The following PPP2R1B variants were observed in gnomAD, a reference collection of about 807,000 sequenced individuals.
PPP2R1B encodes the protein protein phosphatase 2 scaffold subunit Abeta, also known as serine/threonine-protein phosphatase 2A 65 kDa regulatory subunit A beta isoform.
In PPP2R1B, 58 loss-of-function variants were observed where a neutral mutation model predicts 72.7. That is an observed-to-expected ratio of 0.80 (90% CI 0.65 to 0.99). The LOEUF (loss-of-function observed/expected upper bound fraction) is 0.99, where lower values mean the gene tolerates loss of function less well. PPP2R1B is among the 50% of genes least tolerant of loss of function. PPP2R1B has a pLI of 0.00. For synonymous variants in PPP2R1B, 256 were observed against 264.6 expected, an observed-to-expected ratio of 0.97 and a Z score of 0.32; for missense variants, 695 against 733.6, an observed-to-expected ratio of 0.95 and a Z score of 0.61.
chr11:111,754,522 T>A lies in PPP2R1B; in HGVS notation c.1006A>T (p.Asn336Tyr). The change falls in exon 8 of 15, where the codon AAT becomes TAT. Residue 336 changes from asparagine (N) to tyrosine (Y), a missense_variant. Asn to Tyr is a moderately radical substitution (Grantham distance 143). Transcript: ENST00000527614. ...ACCTTTATATAAGGCAGAATTTGAT[T>A]CATAATTATGGTCTCTCTATCTTCA... is the stretch of plus-strand genomic sequence containing the variant. ...PIEDRETIIM[N>Y]QILPYIKELV... 6.2e-7 allele frequency: 1 copy of A among 1,603,030 alleles called. No homozygotes were observed. The highest frequency in any genetic ancestry group is 8.5e-7 in the Non-Finnish European group (1 of 1,177,508).
the PPP2R1B span, among the ~76,000 whole-genome samples, chr11:111,699,986 T>C: frequency 6.6e-6 from 1 of 152,196 alleles, no homozygotes; most frequent in Non-Finnish European, 1.5e-5. Flanking sequence ...GGCTCTTCAG[T>C]CAGGAGTATG....
the PPP2R1B span, among the ~76,000 whole-genome samples, chr11:111,699,252 A>G: frequency 1.3e-5 from 2 of 152,158 alleles, no homozygotes; most frequent in Non-Finnish European, 2.9e-5. Context: ...TTTAGACTGT[A>G]TCTGAAGCTC....
At chr11:111,741,987 A>G (rs1473434358) in intron 14 of PPP2R1B, 66 bp downstream of exon 14, 3 of 1,324,468 alleles carry the variant, frequency 2.3e-6, no homozygotes, top group Non-Finnish European at 2.2e-6. Context: ...AACACCTCTC[A>G]CATAATAGAG....
At chr11:111,714,732 G>A in the PPP2R1B span, among the ~76,000 whole-genome samples, 1 of 152,168 alleles carries the variant, frequency 6.6e-6, no homozygotes, top group African/African-American at 2.4e-5. Context: ...GCCAAGCGTA[G>A]CCCACAACAG....
chr11:111,721,811 C>T, the PPP2R1B span: 1 of 1,580,512 alleles, frequency 6.3e-7, no homozygotes, highest in Non-Finnish European at 8.6e-7. Flanking sequence ...AAAATTGTTT[C>T]CACCCCCTTG....
Position 111,766,245 on chromosome 11 carries a change from T to C in PPP2R1B, c.114+3A>G. 6.2e-7 allele frequency: 1 copy of C among 1,613,584 alleles called. No homozygotes were observed. The highest frequency in any genetic ancestry group is 8.5e-7 in the Non-Finnish European group (1 of 1,179,664). On this transcript the variant is annotated splice_donor_region_variant and intron_variant, in intron 1 of 14. Transcript: ENST00000527614. ...CCTCGGGTCCCCGGCCTCAGTCCAG[T>C]ACCTGCACGTCTTCATTGCGGAGCT...
At chr11:111,764,214 CT>C (rs369985121) in intron 3 of PPP2R1B, among the ~76,000 whole-genome samples, 612 of 142,772 alleles carry the variant, frequency 4.3e-3, no homozygotes, top group Non-Finnish European at 4.1e-3. Flanking sequence ...TTTTGGTGGT[CT>C]TTTTTTTTTT....
At position 111,738,465 on chromosome 11, in the gene PPP2R1B, C is replaced by T. The variant is rs756845731; in HGVS notation, c.*3131G>A. The stretch of plus-strand genomic sequence containing the variant: ...AGTTAACAAAGGAACAAAAGTGCAC[C>T]AGGTTAACCGCCGGGTCAGGAAGGA... On this transcript the variant is annotated 3_prime_UTR_variant, in exon 15 of 15. Transcript: ENST00000527614. 3.0e-6 allele frequency: 3 copies of T among 985,310 alleles called. No individual in the cohort carries two copies. The highest frequency in any genetic ancestry group is 3.6e-6 in the Non-Finnish European group (3 of 829,960). The allele number at this position is 985,310 out of a possible 1,614,324, so 61.0% of individuals were successfully genotyped here. A position where few individuals can be genotyped will look rare whatever the true frequency, so the allele number is the denominator to read the frequency against.
downstream of PPP2R1B, among the ~76,000 whole-genome samples, chr11:111,735,808 G>GC (rs1339988647): frequency 1.3e-5 from 2 of 152,322 alleles, no homozygotes; most frequent in East Asian, 3.9e-4. Flanking sequence ...AGTCCACTAC[G>GC]CACCCTAGAC....
downstream of PPP2R1B, chr11:111,722,784 T>C: frequency 6.2e-7 from 1 of 1,603,102 alleles, no homozygotes; most frequent in Non-Finnish European, 8.5e-7. The surrounding 1 kb of genome is among the most constrained non-coding windows in gnomAD (Gnocchi z 4.4). Flanking sequence ...GCCAAAGAAG[T>C]TGCTTCCTTT....
At chr11:111,715,058 A>G in the PPP2R1B span, among the ~76,000 whole-genome samples, 33 of 152,238 alleles carry the variant, frequency 2.2e-4, 1 homozygote, top group Admixed American at 2.2e-3. Flanking sequence ...TTGTTACTGT[A>G]ACCAGAAAAC....
intron 3 of PPP2R1B, among the ~76,000 whole-genome samples, chr11:111,763,649 A>G (rs1291116173): frequency 6.6e-6 from 1 of 152,222 alleles, no homozygotes; most frequent in Admixed American, 6.5e-5. Context: ...CAAGGCACAG[A>G]GGATTCAAGA....
At chr11:111,703,357 G>A in the PPP2R1B span, 1 of 1,614,088 alleles carries the variant, frequency 6.2e-7, no homozygotes, top group South Asian at 1.1e-5. Flanking sequence ...CATCCATCGG[G>A]GAGTTTAATG....
chr11:111,721,884 C>T, the PPP2R1B span: 2 of 1,612,726 alleles, frequency 1.2e-6, no homozygotes, highest in Admixed American at 1.7e-5. Context: ...CAGCGTGCAT[C>T]CCCAGCTGTC....
At chr11:111,692,386 A>C in the PPP2R1B span, among the ~76,000 whole-genome samples, 5 of 117,388 alleles carry the variant, frequency 4.3e-5, no homozygotes, top group South Asian at 3.0e-4. Flanking sequence ...AAAAAAAAAA[A>C]AACACAAAAA....
downstream of PPP2R1B, chr11:111,723,449 T>C (rs890231127): frequency 2.0e-6 from 3 of 1,529,064 alleles, no homozygotes; most frequent in Non-Finnish European, 2.6e-6. Flanking sequence ...AAAATTGCCA[T>C]CACTTGAGAA....
intron 10 of PPP2R1B, among the ~76,000 whole-genome samples, chr11:111,749,732 A>G (rs190187509): frequency 1.3e-5 from 2 of 152,322 alleles, no homozygotes; most frequent in African/African-American, 4.8e-5. Context: ...GAATATATAT[A>G]CTAACAAGAA....
chr11:111,720,851 A>G, the PPP2R1B span: 11 of 1,597,260 alleles, frequency 6.9e-6, no homozygotes, highest in South Asian at 6.9e-5. Flanking sequence ...GGTCACTGAA[A>G]GGCCTTGTAT....
the PPP2R1B span, among the ~76,000 whole-genome samples, chr11:111,689,293 G>T: frequency 1.3e-5 from 2 of 152,138 alleles, no homozygotes; most frequent in African/African-American, 4.8e-5. Context: ...AAATTATAGG[G>T]CATGGGTAGG....
Sources: allele counts gnomAD v4.1 joint callset (sites outside exome capture counted in the v4.1 genomes callset), GRCh38; gene constraint gnomAD v4.1.1; non-coding constraint Gnocchi (gnomAD v3.1); transcripts MANE v1.5; gene names NCBI Gene and HGNC (gene_info 2026-07-23, HGNC 2026-07-21).